Variants in CMC1 observed in about 807,000 individuals in gnomAD.
CMC1 encodes COX assembly mitochondrial protein homolog.
Under a neutral mutation model 14.1 loss-of-function variants are expected in CMC1, and 14 were observed. That is an observed-to-expected ratio of 0.99 (90% CI 0.66 to 1.55). The LOEUF is 1.55. Ranked by LOEUF, CMC1 falls within the 40% of genes most tolerant of loss-of-function variation. The pLI, the probability that CMC1 is intolerant of heterozygous loss-of-function variation, is 0.00. For missense variants in CMC1, 127 were observed against 123.8 expected (o/e 1.03, Z -0.12); for synonymous variants, 50 against 38.4 (o/e 1.30, Z -1.12).
At chr3:28,253,638 C>G (rs1208671319) in intron 1 of CMC1, 1 of 668,380 alleles carries the variant, frequency 1.5e-6, no homozygotes, top group Non-Finnish European at 2.1e-6. Flanking sequence ...AAAAGCTAAA[C>G]AAACAAAGAA....
chr3:28,296,760 C>T (rs916185199), intron 2 of CMC1, among the ~76,000 whole-genome samples: 2 of 152,114 alleles, frequency 1.3e-5, no homozygotes, highest in African/African-American at 4.8e-5. Flanking sequence ...ATATTGAATT[C>T]TAACAATGTA....
Position 28,323,994 on chromosome 3 carries a change from C to G in CMC1, c.*4365C>G. ...GTTAAATAATTTCTTGGGAGGACCA[C>G]TGAAAGAGATAAGTGTCCTCATGGT... On this transcript the variant is annotated 3_prime_UTR_variant, in exon 4 of 4. Coordinates refer to ENST00000466830, the MANE Select transcript of CMC1 (RefSeq NM_182523.2). 6.6e-7 allele frequency: 1 copy of G among 1,523,842 alleles called. No homozygotes were observed. The highest frequency in any genetic ancestry group is 8.9e-7 in the Non-Finnish European group (1 of 1,126,998). 94.4% of individuals were successfully genotyped at this position (1,523,842 alleles called of 1,614,324 possible). A position where few individuals can be genotyped will look rare whatever the true frequency, so the allele number is the denominator to read the frequency against.
At chr3:28,280,344 A>T (rs1700822274) in intron 2 of CMC1, among the ~76,000 whole-genome samples, 1 of 152,192 alleles carries the variant, frequency 6.6e-6, no homozygotes, top group South Asian at 2.1e-4. Flanking sequence ...GCACAAAGGT[A>T]TACTTTTGTT....
Position 28,324,737 on chromosome 3 carries a change from A to C in CMC1, c.*5108A>C. The C allele has an allele frequency of 3.5e-6, 1 of 284,024 alleles. No individual in the cohort carries two copies. The allele number at this position is 284,024 out of a possible 1,614,324, so 17.6% of individuals were successfully genotyped here. A position where few individuals can be genotyped will look rare whatever the true frequency, so the allele number is the denominator to read the frequency against. On this transcript the variant is annotated 3_prime_UTR_variant, in exon 4 of 4. Transcript: ENST00000466830. ...ATAGAATTCCTGTCCCAACTATGTC[A>C]TAGAGCTTTTAAAAGATGAAGAACT...
chr3:28,265,748 A>C (rs1460691878), intron 2 of CMC1, among the ~76,000 whole-genome samples: 1 of 152,206 alleles, frequency 6.6e-6, no homozygotes, highest in Non-Finnish European at 1.5e-5. Context: ...TCAATGAAAG[A>C]AAGATGCCTC....
At chr3:28,248,812 CAG>C (rs1559397399) in intron 1 of CMC1, among the ~76,000 whole-genome samples, 1 of 151,978 alleles carries the variant, frequency 6.6e-6, no homozygotes, top group African/African-American at 2.4e-5. Flanking sequence ...TTTTTTGAGA[CAG>C]AGTCTCGCTC....
At chr3:28,280,670 A>G (rs1044230625) in intron 2 of CMC1, among the ~76,000 whole-genome samples, 4 of 152,202 alleles carry the variant, frequency 2.6e-5, no homozygotes, top group African/African-American at 7.2e-5. Context: ...TAAAATATGC[A>G]TAAGGATGTT....
intron 2 of CMC1, among the ~76,000 whole-genome samples, chr3:28,284,770 T>A (rs902552101): frequency 3.9e-5 from 6 of 152,062 alleles, no homozygotes; most frequent in Non-Finnish European, 8.8e-5. Context: ...TTTCTTGACC[T>A]TTACTTCCCT....
intron 2 of CMC1, among the ~76,000 whole-genome samples, chr3:28,311,593 CCT>C (rs1702642466): frequency 6.6e-6 from 1 of 152,158 alleles, no homozygotes; most frequent in Admixed American, 6.5e-5. Flanking sequence ...CTGAGGGTGA[CCT>C]CCTGTTGTCT....
intron 2 of CMC1, among the ~76,000 whole-genome samples, chr3:28,293,548 C>A (rs111841295): frequency 6.6e-6 from 1 of 152,056 alleles, no homozygotes; most frequent in Non-Finnish European, 1.5e-5. Context: ...GGCTTATGTT[C>A]TAGATTTTAA....
At chr3:28,295,234 G>A (rs530801687) in intron 2 of CMC1, among the ~76,000 whole-genome samples, 1 of 152,026 alleles carries the variant, frequency 6.6e-6, no homozygotes, top group African/African-American at 2.4e-5. Flanking sequence ...AGTAACTTAG[G>A]TACTTTTACA....
rs750800906 is a variant in CMC1, at chr3:28,308,981, CAAA to C, written c.110-7345_110-7343del. The stretch of plus-strand genomic sequence containing the variant: ...CCGGCGACGGAGCGAGACTCCGTCT[CAAA>C]AAAAAATAAATAAATAAATAAATAA... On this transcript the variant is annotated intron_variant, in intron 2 of 3. Transcript: ENST00000466830. 8.0e-3 allele frequency among the ~76,000 whole-genome samples: 243 copies of C among 30,330 alleles called. 1 individual carries two copies. Among genetic ancestry groups the C allele is most frequent in the African/African-American group, 0.014 (217 of 15,412 alleles). 19.9% of individuals were successfully genotyped at this position (30,330 alleles called of 152,430 possible). A position where few individuals can be genotyped will look rare whatever the true frequency, so the allele number is the denominator to read the frequency against.
intron 3 of CMC1, 115 bp downstream of exon 3, chr3:28,316,538 A>T (rs1158366932): frequency 2.2e-6 from 1 of 462,884 alleles, no homozygotes; most frequent in African/African-American, 2.0e-5. Flanking sequence ...AATTTATCAT[A>T]TTGTTGGCTG....
chr3:28,244,951 A>C (rs981794938), intron 1 of CMC1, among the ~76,000 whole-genome samples: 15 of 135,298 alleles, frequency 1.1e-4, no homozygotes, highest in African/African-American at 4.2e-4. Flanking sequence ...TATGGAAGCC[A>C]GTTTTTTTTT....
intron 2 of CMC1, among the ~76,000 whole-genome samples, chr3:28,312,019 T>C (rs935896851): frequency 6.6e-6 from 1 of 152,234 alleles, no homozygotes; most frequent in African/African-American, 2.4e-5. Flanking sequence ...ATATGATGTA[T>C]TATGAATTTA....
chr3:28,250,438 G>T (rs1426635127), intron 1 of CMC1, among the ~76,000 whole-genome samples: 1 of 152,186 alleles, frequency 6.6e-6, no homozygotes, highest in African/African-American at 2.4e-5. Context: ...GGCTTTACCT[G>T]TTACTTGCCG....
chr3:28,299,385 G>A (rs1391035310), intron 2 of CMC1, among the ~76,000 whole-genome samples: 1 of 152,052 alleles, frequency 6.6e-6, no homozygotes, highest in Non-Finnish European at 1.5e-5. Context: ...TGAGTTGGAG[G>A]TATTAGATAT....
intron 1 of CMC1, among the ~76,000 whole-genome samples, chr3:28,243,627 G>A (rs545895199): frequency 6.6e-6 from 1 of 152,306 alleles, no homozygotes; most frequent in East Asian, 1.9e-4. Flanking sequence ...TTCATTTCCA[G>A]TCCAGTGCTG....
intron 3 of CMC1, 45 bp from the exon 4 acceptor site, chr3:28,319,464 A>G: frequency 6.6e-7 from 1 of 1,517,116 alleles, no homozygotes; most frequent in Non-Finnish European, 9.1e-7. Flanking sequence ...CATTTAACAC[A>G]TGCAGGATTA....
Sources: allele counts gnomAD v4.1 joint callset (sites outside exome capture counted in the v4.1 genomes callset), GRCh38; gene constraint gnomAD v4.1.1; transcripts MANE v1.5; gene names NCBI Gene and HGNC (gene_info 2026-07-23, HGNC 2026-07-21).